Variants in CACNA1C observed in about 807,000 individuals in gnomAD.
CACNA1C encodes the protein calcium voltage-gated channel subunit alpha1 C.
In CACNA1C, 30 loss-of-function variants were observed where a neutral mutation model predicts 229.0. That is an observed-to-expected ratio of 0.13 (90% CI 0.10 to 0.18). The LOEUF (loss-of-function observed/expected upper bound fraction) is 0.18, where lower values mean the gene tolerates loss of function less well. Ranked by LOEUF, CACNA1C falls within the 10% of genes least tolerant of loss-of-function variation. The pLI, the probability that CACNA1C is intolerant of heterozygous loss-of-function variation, is 1.00. For synonymous variants in CACNA1C, 1,114 were observed against 1,132.5 expected (o/e 0.98, Z 0.33); for missense variants, 1,658 against 2,845.0 (o/e 0.58, Z 9.49).
chr12:2,443,713 T>C lies in CACNA1C; in HGVS notation c.478-5263T>C, dbSNP rs1211812215. Among the ~76,000 whole-genome samples, 12 of 152,322 alleles carry C rather than the reference T, an allele frequency of 7.9e-5. No individual in the cohort carries two copies. The East Asian group carries it at 2.3e-3, about 29-fold the overall frequency. ...ATGAAGAGGGCCACGGAACTGTATA[T>C]TCAAGGAACCAGAGGCACGTGGGGC... On this transcript the variant is annotated intron_variant, in intron 3 of 46. Transcript: ENST00000399655.
At chr12:2,495,723 A>C (rs1598057115) in intron 7 of CACNA1C, among the ~76,000 whole-genome samples, 1 of 152,332 alleles carries the variant, frequency 6.6e-6, no homozygotes, top group East Asian at 1.9e-4. Flanking sequence ...AAACAATCCC[A>C]GGCTCATGGG....
chr12:2,444,590 C>A (rs2099260322), intron 3 of CACNA1C, among the ~76,000 whole-genome samples: 1 of 152,024 alleles, frequency 6.6e-6, no homozygotes, highest in Non-Finnish European at 1.5e-5. Flanking sequence ...AGGTCTGATC[C>A]CCAATATCTC....
intron 1 of CACNA1C, among the ~76,000 whole-genome samples, chr12:2,074,419 G>A (rs375302138): frequency 6.6e-6 from 1 of 152,154 alleles, no homozygotes; most frequent in East Asian, 1.9e-4. Context: ...TTTGTTTCCA[G>A]CATACAGGTG....
In CACNA1C at chr12:1,985,306, C is replaced by T. The variant is rs576407301; in HGVS notation, c.139+14105C>T. ...GGCCCTGTTCATTTTTAAAAAACAT[C>T]TTGGCTCTATATTCTTCAGGTTTGA... On this transcript the variant is annotated intron_variant, in intron 1 of 46. Transcript: ENST00000682462. Among the ~76,000 whole-genome samples, 5 of 152,286 alleles carry T rather than the reference C, an allele frequency of 3.3e-5. No individual in the cohort carries two copies. The East Asian group carries it at 9.6e-4, about 29-fold the overall frequency.
chr12:2,531,923 T>C (rs2099841880), intron 9 of CACNA1C, among the ~76,000 whole-genome samples: 1 of 152,164 alleles, frequency 6.6e-6, no homozygotes, highest in African/African-American at 2.4e-5. Flanking sequence ...ACTCTCCGTG[T>C]AGGAACTTAC....
At chr12:2,472,443 A>T (rs2099598235) in intron 5 of CACNA1C, among the ~76,000 whole-genome samples, 1 of 152,038 alleles carries the variant, frequency 6.6e-6, no homozygotes. Context: ...TCAATTATGG[A>T]ATTTCCATTC....
At position 2,566,692 on chromosome 12, in the gene CACNA1C, C is replaced by T. The variant is rs1370913419; in HGVS notation, c.1669+110C>T. The T allele has an allele frequency of 1.5e-5, 14 of 934,398 alleles. No homozygotes were observed. Among genetic ancestry groups the T allele is most frequent in the African/African-American group, 3.3e-5 (2 of 60,424 alleles). 57.9% of individuals were successfully genotyped at this position (934,398 alleles called of 1,614,324 possible). On this transcript the variant is annotated intron_variant, in intron 12 of 46. Coordinates refer to ENST00000399655, the MANE Select transcript of CACNA1C (RefSeq NM_000719.7). The surrounding 1 kb of genome is among the most constrained non-coding windows in gnomAD (Gnocchi z 4.0). ...GGTGGAGGGGAAAGCAGCCAATGGT[C>T]GGGGCTCTTGGCAGGTGCTGTGCTG...
Position 2,348,668 on chromosome 12 carries a change from C to T in CACNA1C, c.478-100308C>T, listed in dbSNP as rs1399998556. Among the ~76,000 whole-genome samples, 1 of 152,094 alleles carries T rather than the reference C, an allele frequency of 6.6e-6. No homozygotes were observed. The highest frequency in any genetic ancestry group is 6.5e-5 in the Admixed American group (1 of 15,272). On this transcript the variant is annotated intron_variant, in intron 3 of 46. Coordinates refer to ENST00000399655, the MANE Select transcript of CACNA1C (RefSeq NM_000719.7). This position sits in a 1 kb window ranked among gnomAD's most constrained non-coding sequence, Gnocchi z 4.7. ...ACTCATGCTTCCGTCTGCTGCCACACTTTAAGATTTCTCCCAGAGGGACCC... is the reference window on the plus strand; with the variant it reads ...ACTCATGCTTCCGTCTGCTGCCACATTTTAAGATTTCTCCCAGAGGGACCC...
chr12:2,623,337 G>A (rs1365747620), intron 29 of CACNA1C, among the ~76,000 whole-genome samples: 2 of 151,916 alleles, frequency 1.3e-5, no homozygotes, highest in East Asian at 1.9e-4. Flanking sequence ...GGTCCTGAGT[G>A]CCCCCACGAG....
chr12:2,310,333 C>T (rs903434519), intron 3 of CACNA1C, among the ~76,000 whole-genome samples: 4 of 144,252 alleles, frequency 2.8e-5, no homozygotes, highest in African/African-American at 1.1e-4. Context: ...CTGTCCTCTG[C>T]CTCCCAGTTA....
chr12:2,352,549 G>C (rs2097233890), intron 3 of CACNA1C, among the ~76,000 whole-genome samples: 1 of 152,138 alleles, frequency 6.6e-6, no homozygotes, highest in Admixed American at 6.5e-5. Context: ...TTGGTGGGGA[G>C]ATGCTGGTTA....
At chr12:2,101,026 A>G (rs1423863907) in intron 1 of CACNA1C, among the ~76,000 whole-genome samples, 1 of 151,700 alleles carries the variant, frequency 6.6e-6, no homozygotes, top group African/African-American at 2.4e-5. Flanking sequence ...AAGAAAAAAG[A>G]AAAAAAATTG....
rs1367841589 is a variant in CACNA1C, at chr12:2,653,034, G to C, written c.4075-801G>C. 6.6e-6 allele frequency among the ~76,000 whole-genome samples: 1 copy of C among 152,216 alleles called. No individual in the cohort carries two copies. The highest frequency in any genetic ancestry group is 2.1e-4 in the South Asian group (1 of 4,830). On this transcript the variant is annotated intron_variant, in intron 32 of 46. Coordinates refer to ENST00000399655, the MANE Select transcript of CACNA1C (RefSeq NM_000719.7). The surrounding 1 kb of genome is among the most constrained non-coding windows in gnomAD (Gnocchi z 4.7). Reference sequence around the variant, plus strand: ...AGTGACCGGTGGCCACGGCTGAAGCGGCGCCCGGGAACACGGGCTGGGCCT... The same window carrying C: ...AGTGACCGGTGGCCACGGCTGAAGCCGCGCCCGGGAACACGGGCTGGGCCT...
At chr12:2,431,621 G>A (rs1003701382) in intron 3 of CACNA1C, among the ~76,000 whole-genome samples, 1 of 152,156 alleles carries the variant, frequency 6.6e-6, no homozygotes, top group Non-Finnish European at 1.5e-5. Context: ...TGAGAATAAT[G>A]ATGATACCCA....
At position 2,493,950 on chromosome 12, in the gene CACNA1C, G is replaced by A. The variant is rs192085367; in HGVS notation, c.1113+564G>A. On this transcript the variant is annotated intron_variant, in intron 7 of 46. Coordinates refer to ENST00000399655, the MANE Select transcript of CACNA1C (RefSeq NM_000719.7). The surrounding 1 kb of genome is among the most constrained non-coding windows in gnomAD (Gnocchi z 4.6). ...AGTCCATCAGACAAATGCATTGGCA[G>A]CATTTTTACTATTCCCCAAACATGC... Among the ~76,000 whole-genome samples, 1,158 of 152,170 alleles carry A rather than the reference G, an allele frequency of 7.6e-3. 15 individuals carry two copies. The highest frequency in any genetic ancestry group is 0.027 in the African/African-American group (1,113 of 41,506).
intron 1 of CACNA1C, among the ~76,000 whole-genome samples, chr12:1,973,428 A>C (rs1260341989): frequency 6.6e-6 from 1 of 152,234 alleles, no homozygotes; most frequent in Non-Finnish European, 1.5e-5. Flanking sequence ...CTCTGAATTA[A>C]AGCATTATAC....
At chr12:2,400,423 A>T (rs2154550847) in intron 3 of CACNA1C, among the ~76,000 whole-genome samples, 1 of 152,308 alleles carries the variant, frequency 6.6e-6, no homozygotes, top group East Asian at 1.9e-4. Context: ...AGTTCTCATT[A>T]GGGTCAAAGC....
intron 3 of CACNA1C, among the ~76,000 whole-genome samples, chr12:2,269,036 G>A (rs2083596975): frequency 6.6e-6 from 1 of 152,194 alleles, no homozygotes; most frequent in African/African-American, 2.4e-5. Context: ...TGCCCTGGCA[G>A]CAGGTACCAG....
intron 9 of CACNA1C, among the ~76,000 whole-genome samples, chr12:2,533,659 C>T (rs1341741474): frequency 1.3e-5 from 2 of 152,140 alleles, no homozygotes; most frequent in African/African-American, 2.4e-5. Context: ...AGTCAGGATA[C>T]GAGGGCTGGT....
Sources: allele counts gnomAD v4.1 joint callset (sites outside exome capture counted in the v4.1 genomes callset), GRCh38; gene constraint gnomAD v4.1.1; non-coding constraint Gnocchi (gnomAD v3.1); transcripts MANE v1.5; gene names NCBI Gene and HGNC (gene_info 2026-07-23, HGNC 2026-07-21).